Variants in CSMD1 observed in about 807,000 individuals in gnomAD.
CSMD1 encodes the protein CUB and Sushi multiple domains 1, also known as CUB and sushi domain-containing protein 1.
CSMD1 carries 213 observed loss-of-function variants against 417.5 expected under a neutral mutation model. The observed-to-expected ratio is 0.51, with a 90% CI of 0.46 to 0.57. CSMD1 has a LOEUF of 0.57. CSMD1 is among the 20% of genes least tolerant of loss of function. The probability of loss-of-function intolerance (pLI) is 0.00; values close to 1 mark genes in which losing one functional copy is unlikely to be tolerated. For missense variants in CSMD1, 6,923 were observed against 4,529.7 expected (o/e 1.53, Z -15.17); for synonymous variants, 2,862 against 1,736.8 (o/e 1.65, Z -16.11).
intron 3 of CSMD1, among the ~76,000 whole-genome samples, chr8:4,200,106 G>C (rs553100005): frequency 3.9e-5 from 6 of 152,242 alleles, no homozygotes; most frequent in South Asian, 4.2e-4. Context: ...AGTTATTTGA[G>C]ATTATAACAA....
chr8:4,141,434 T>C (rs1037322989), intron 3 of CSMD1, among the ~76,000 whole-genome samples: 3 of 151,242 alleles, frequency 2.0e-5, no homozygotes, highest in South Asian at 2.1e-4. Flanking sequence ...ATACCTATCA[T>C]TTAGATAGCA....
intron 3 of CSMD1, among the ~76,000 whole-genome samples, chr8:4,228,073 C>T (rs1372221267): frequency 1.3e-5 from 2 of 151,508 alleles, no homozygotes; most frequent in African/African-American, 2.4e-5. Context: ...TTGCATTAAA[C>T]CCCACACCAG....
intron 12 of CSMD1, among the ~76,000 whole-genome samples, chr8:3,464,281 G>C (rs763724491): frequency 2.0e-5 from 3 of 152,066 alleles, no homozygotes; most frequent in African/African-American, 7.2e-5. Context: ...AAAAACGTGG[G>C]ACCACTACAA....
At chr8:3,749,676 T>A (rs1019716531) in intron 6 of CSMD1, among the ~76,000 whole-genome samples, 2 of 152,348 alleles carry the variant, frequency 1.3e-5, no homozygotes, top group Non-Finnish European at 2.9e-5. Context: ...AAGTTTCTCA[T>A]AGAAAGAGAC....
chr8:3,107,608 G>GTTTTT, intron 45 of CSMD1, 110 bp downstream of exon 45: 1 of 681,242 alleles, frequency 1.5e-6, no homozygotes, highest in Non-Finnish European at 2.5e-6. Flanking sequence ...TTCTGTTTTT[G>GTTTTT]TTTCTCTGAC....
intron 10 of CSMD1, among the ~76,000 whole-genome samples, chr8:3,569,279 A>G (rs562420009): frequency 4.6e-5 from 7 of 152,178 alleles, no homozygotes; most frequent in African/African-American, 1.7e-4. Flanking sequence ...GCATGATAAC[A>G]TGTGATGTGC....
chr8:3,124,403 G>T (rs772834627), intron 41 of CSMD1, among the ~76,000 whole-genome samples: 2 of 152,184 alleles, frequency 1.3e-5, no homozygotes, highest in African/African-American at 4.8e-5. Flanking sequence ...CCTGGTTAAG[G>T]TTATGCAGTA....
chr8:3,991,282 C>T (rs1814727076), intron 5 of CSMD1, among the ~76,000 whole-genome samples: 1 of 152,188 alleles, frequency 6.6e-6, no homozygotes, highest in South Asian at 2.1e-4. Flanking sequence ...AAGAAGTTCG[C>T]ATTATTTGCC....
chr8:3,387,552 G>A lies in CSMD1; in HGVS notation c.2724C>T (p.Asp908=), dbSNP rs975428017. The A allele has an allele frequency of 3.1e-6, 5 of 1,601,724 alleles. No individual in the cohort carries two copies. Among genetic ancestry groups the A allele is most frequent in the Admixed American group, 3.4e-5 (2 of 58,438 alleles). Residue 908 remains aspartate (D), a synonymous_variant, in exon 18 of 70, where the codon GAC becomes GAT. Coordinates refer to ENST00000635120, the MANE Select transcript of CSMD1 (RefSeq NM_033225.6). ...GGTTCCTCTCACAGACGAGGGGCTC[G>A]TCGTCACTTAGTGTGTACCCCGGGT... ...SCDPGYTLSD[D]EPLVCERNHQ...
At chr8:4,987,659 T>C (rs1317179300) in intron 1 of CSMD1, among the ~76,000 whole-genome samples, 1 of 152,040 alleles carries the variant, frequency 6.6e-6, no homozygotes, top group Non-Finnish European at 1.5e-5. Context: ...AGGATGAAAA[T>C]TACGGTTCCT....
intron 3 of CSMD1, among the ~76,000 whole-genome samples, chr8:4,352,620 G>A (rs1406120355): frequency 2.6e-5 from 4 of 152,148 alleles, no homozygotes; most frequent in African/African-American, 4.8e-5. Context: ...CATTTGCCCC[G>A]AGTGACACCG....
At chr8:3,216,045 A>G (rs1373538935) in intron 29 of CSMD1, among the ~76,000 whole-genome samples, 1 of 148,894 alleles carries the variant, frequency 6.7e-6, no homozygotes, top group Non-Finnish European at 1.5e-5. Flanking sequence ...GATTAAATCT[A>G]TATTAATATA....
At chr8:3,896,775 G>A (rs1225176890) in intron 5 of CSMD1, among the ~76,000 whole-genome samples, 1 of 151,950 alleles carries the variant, frequency 6.6e-6, no homozygotes, top group Non-Finnish European at 1.5e-5. Context: ...TACGTAAACA[G>A]CAAGTATATT....
intron 1 of CSMD1, among the ~76,000 whole-genome samples, chr8:4,825,814 C>T (rs1799795193): frequency 2.6e-5 from 4 of 151,098 alleles, no homozygotes; most frequent in South Asian, 4.2e-4. Context: ...AAAGAAATCC[C>T]ACAATCCAAT....
chr8:4,241,857 T>C lies in CSMD1; in HGVS notation c.415+178096A>G, dbSNP rs573264913. 1.6e-3 allele frequency among the ~76,000 whole-genome samples: 248 copies of C among 151,886 alleles called. 2 individuals carry two copies. The highest frequency in any genetic ancestry group is 1.5e-3 in the Admixed American group (23 of 15,270). On this transcript the variant is annotated intron_variant, in intron 3 of 69. Transcript: ENST00000635120. Reference sequence around the variant, plus strand: ...TCCCAAGTATGGGGTGATTTTTAAGTGCAAAAAAAGAGAGAAAGATGGAGG... The same window carrying C: ...TCCCAAGTATGGGGTGATTTTTAAGCGCAAAAAAAGAGAGAAAGATGGAGG...
intron 41 of CSMD1, among the ~76,000 whole-genome samples, chr8:3,124,165 C>A (rs565451071): frequency 6.6e-6 from 1 of 151,830 alleles, no homozygotes; most frequent in African/African-American, 2.4e-5. Context: ...AGCAGATTAG[C>A]CCATATGGGC....
intron 3 of CSMD1, among the ~76,000 whole-genome samples, chr8:4,110,349 T>G (rs758704792): frequency 2.6e-5 from 4 of 152,276 alleles, no homozygotes; most frequent in Non-Finnish European, 5.9e-5. Flanking sequence ...AACTTCAGCC[T>G]ATGGATATGT....
intron 42 of CSMD1, among the ~76,000 whole-genome samples, chr8:3,114,771 G>A (rs1816753407): frequency 6.6e-6 from 1 of 152,056 alleles, no homozygotes; most frequent in Non-Finnish European, 1.5e-5. Flanking sequence ...AATCAGCTTG[G>A]TAAACCTTAA....
chr8:4,346,274 T>C (rs1009341091), intron 3 of CSMD1, among the ~76,000 whole-genome samples: 4 of 152,180 alleles, frequency 2.6e-5, no homozygotes, highest in East Asian at 1.9e-4. Flanking sequence ...TAATATTTCA[T>C]AGCACATGAA....
Sources: gnomAD v4.1 joint callset for allele counts (sites outside exome capture counted in the v4.1 genomes callset) on GRCh38, gnomAD v4.1.1 for gene constraint, MANE v1.5 for transcripts, NCBI Gene and HGNC (gene_info 2026-07-23, HGNC 2026-07-21) for gene names.